The following LOXHD1 variants were observed in gnomAD, a reference collection of about 807,000 sequenced individuals.
LOXHD1 encodes lipoxygenase homology PLAT domains 1.
A neutral mutation model predicts 248.2 loss-of-function variants in LOXHD1; 205 were observed. That is an observed-to-expected ratio of 0.83 (90% CI 0.74 to 0.93). The LOEUF (loss-of-function observed/expected upper bound fraction) is 0.93, where lower values mean the gene tolerates loss of function less well. Among genes scored for constraint, LOXHD1 ranks in the 40% least tolerant of loss-of-function variants. The pLI is 0.00. For missense variants in LOXHD1, 2,930 were observed against 2,971.6 expected, an observed-to-expected ratio of 0.99 and a Z score of 0.33; for synonymous variants, 1,113 against 1,162.8, an observed-to-expected ratio of 0.96 and a Z score of 0.87.
At chr18:46,649,992 TTGGAAAGGC>T (rs528985681) in intron 1 of LOXHD1, among the ~76,000 whole-genome samples, 2 of 151,990 alleles carry the variant, frequency 1.3e-5, no homozygotes, top group African/African-American at 2.4e-5. Context: ...TGCAGAAGTT[TTGGAAAGGC>T]TGGAGGCATG....
chr18:46,598,007 T>C (rs1330621998), intron 8 of LOXHD1, among the ~76,000 whole-genome samples: 2 of 151,848 alleles, frequency 1.3e-5, no homozygotes, highest in African/African-American at 2.4e-5. Context: ...GACCTCGTGA[T>C]CTGCCCGCCT....
intron 4 of LOXHD1, among the ~76,000 whole-genome samples, chr18:46,625,343 G>C (rs1449850699): frequency 6.6e-6 from 1 of 152,078 alleles, no homozygotes; most frequent in African/African-American, 2.4e-5. Flanking sequence ...AACATCACTT[G>C]GTCCTTAAAA....
Position 46,489,122 on chromosome 18 carries a change from G to A in LOXHD1, c.5899C>T (p.Leu1967=). Residue 1967 remains leucine, a synonymous_variant, in exon 38 of 41, where the codon CTG becomes TTG. Coordinates refer to ENST00000642948, the MANE Select transcript of LOXHD1 (RefSeq NM_001384474.1). Reference sequence around the variant, plus strand: ...TTGTCCTTCACATCGACATAGCTCAGATGCCAGCCAGGAAATATCCCTGTG... The same window carrying A: ...TTGTCCTTCACATCGACATAGCTCAAATGCCAGCCAGGAAATATCCCTGTG... The part of the protein sequence containing the change: ...DNKGIFPGWH[L]SYVDVKDNSR... 6.4e-7 allele frequency: 1 copy of A among 1,551,710 alleles called. No individual in the cohort carries two copies. Among genetic ancestry groups the A allele is most frequent in the Non-Finnish European group, 8.7e-7 (1 of 1,147,008 alleles).
intron 34 of LOXHD1, among the ~76,000 whole-genome samples, chr18:46,511,371 C>G (rs917533931): frequency 3.3e-5 from 5 of 152,168 alleles, no homozygotes; most frequent in Non-Finnish European, 7.4e-5. Context: ...TTCACAGGGA[C>G]AGGGCTGTTG....
rs563647490 is a variant in LOXHD1, at chr18:46,636,936, G to A, written c.511+2680C>T. On this transcript the variant is annotated intron_variant, in intron 4 of 40. Coordinates refer to ENST00000642948, the MANE Select transcript of LOXHD1 (RefSeq NM_001384474.1). Reference sequence around the variant, plus strand: ...AGAGGCAGGTGGATCACCTGAGGTTGGGAGTTCGAGACTAGGCTGGCCAAC... The same window carrying A: ...AGAGGCAGGTGGATCACCTGAGGTTAGGAGTTCGAGACTAGGCTGGCCAAC... Among the ~76,000 whole-genome samples, 6 of 152,240 alleles carry A rather than the reference G, an allele frequency of 3.9e-5. No individual in the cohort carries two copies. In the South Asian group the frequency reaches 1.2e-3, roughly 32 times the overall value.
chr18:46,584,186 T>C (rs1318834355), intron 12 of LOXHD1, among the ~76,000 whole-genome samples: 1 of 151,818 alleles, frequency 6.6e-6, no homozygotes, highest in Non-Finnish European at 1.5e-5. Context: ...AGGCAGGGAA[T>C]TGAATAATAT....
At chr18:46,612,040 G>T (rs1012708678) in intron 5 of LOXHD1, among the ~76,000 whole-genome samples, 7 of 152,116 alleles carry the variant, frequency 4.6e-5, no homozygotes, top group Admixed American at 3.9e-4. Flanking sequence ...TTATCCTTTT[G>T]AGAGTACCTT....
At chr18:46,648,127 A>G (rs193047906) in intron 2 of LOXHD1, among the ~76,000 whole-genome samples, 40 of 152,298 alleles carry the variant, frequency 2.6e-4, no homozygotes, top group Non-Finnish European at 4.4e-4. Context: ...TTATGGTGGC[A>G]CACGCCTGTA....
At chr18:46,592,167 C>A in intron 11 of LOXHD1, 99 bp from the exon 12 acceptor site, 1 of 1,458,634 alleles carries the variant, frequency 6.9e-7, no homozygotes, top group South Asian at 1.2e-5. Context: ...GAAGCCAAGG[C>A]TATTTCCTGG....
At chr18:46,499,357 G>C (rs1056469343) in intron 37 of LOXHD1, among the ~76,000 whole-genome samples, 1 of 152,180 alleles carries the variant, frequency 6.6e-6, no homozygotes, top group African/African-American at 2.4e-5. Context: ...TATCTCTTGG[G>C]TATCTATGAA....
intron 1 of LOXHD1, among the ~76,000 whole-genome samples, chr18:46,654,554 C>G (rs146697470): frequency 6.6e-6 from 1 of 152,232 alleles, no homozygotes; most frequent in Non-Finnish European, 1.5e-5. Flanking sequence ...GGGAGCTGCT[C>G]TCCTCCCTCT....
At chr18:46,506,826 T>C (rs2143904927) in intron 36 of LOXHD1, among the ~76,000 whole-genome samples, 1 of 152,330 alleles carries the variant, frequency 6.6e-6, no homozygotes, top group East Asian at 1.9e-4. Context: ...ATTCACCATT[T>C]ATAATTAATG....
intron 4 of LOXHD1, among the ~76,000 whole-genome samples, chr18:46,638,873 G>A (rs1360932808): frequency 1.3e-5 from 2 of 152,154 alleles, no homozygotes; most frequent in Admixed American, 1.3e-4. Flanking sequence ...CTGAGTGATT[G>A]TAGGAAGCCA....
At chr18:46,633,841 G>A (rs911478668) in intron 4 of LOXHD1, among the ~76,000 whole-genome samples, 5 of 152,186 alleles carry the variant, frequency 3.3e-5, no homozygotes, top group African/African-American at 1.2e-4. Flanking sequence ...AAGAAGATAT[G>A]CAAATTACCA....
chr18:46,638,076 A>G (rs185042102), intron 4 of LOXHD1, among the ~76,000 whole-genome samples: 12 of 152,332 alleles, frequency 7.9e-5, no homozygotes, highest in Non-Finnish European at 1.6e-4. Flanking sequence ...CCACAGAGCC[A>G]TTCCAAGGAG....
intron 12 of LOXHD1, among the ~76,000 whole-genome samples, chr18:46,591,519 T>A (rs559695011): frequency 6.6e-6 from 1 of 152,246 alleles, no homozygotes; most frequent in Non-Finnish European, 1.5e-5. Flanking sequence ...TAATTAGAGA[T>A]AGAATACTTA....
chr18:46,555,694 C>A (rs1338012983), intron 21 of LOXHD1, among the ~76,000 whole-genome samples: 1 of 152,176 alleles, frequency 6.6e-6, no homozygotes, highest in African/African-American at 2.4e-5. Context: ...TCCACTCATA[C>A]AAGGGGACTT....
intron 19 of LOXHD1, 35 bp downstream of exon 19, chr18:46,560,048 T>TGCC: frequency 8.2e-7 from 1 of 1,226,298 alleles, no homozygotes; most frequent in Non-Finnish European, 1.1e-6. Context: ...GTCTGGCCAC[T>TGCC]CCCTCCCCAC....
chr18:46,585,450 C>A (rs1352017536), intron 12 of LOXHD1, among the ~76,000 whole-genome samples: 1 of 151,846 alleles, frequency 6.6e-6, no homozygotes, highest in Non-Finnish European at 1.5e-5. Context: ...GCAACAGCAT[C>A]AAAAAGAATA....
Sources: allele counts gnomAD v4.1 joint callset (sites outside exome capture counted in the v4.1 genomes callset), GRCh38; gene constraint gnomAD v4.1.1; transcripts MANE v1.5; gene names NCBI Gene and HGNC (gene_info 2026-07-23, HGNC 2026-07-21).